ATP8A2: variants seen among roughly 807,000 people sequenced by gnomAD.
ATP8A2 encodes the protein ATPase phospholipid transporting 8A2, also known as phospholipid-transporting ATPase IB.
Under a neutral mutation model 165.6 loss-of-function variants are expected in ATP8A2, and 100 were observed. That is an observed-to-expected ratio of 0.60 (90% confidence interval 0.51 to 0.71). ATP8A2 has a LOEUF of 0.71. Ranked by LOEUF, ATP8A2 falls within the 30% of genes least tolerant of loss-of-function variation. The pLI, the probability that ATP8A2 is intolerant of heterozygous loss-of-function variation, is 0.00. For synonymous variants in ATP8A2, 543 were observed against 548.8 expected (o/e 0.99, Z 0.15); for missense variants, 1,227 against 1,479.5 (o/e 0.83, Z 2.80).
Position 25,570,785 on chromosome 13 carries a change from C to A in ATP8A2, c.1492C>A (p.Gln498Lys). 1 of 1,613,726 alleles carries A rather than the reference C, an allele frequency of 6.2e-7. No individual in the cohort carries two copies. The highest frequency in any genetic ancestry group is 1.1e-5 in the South Asian group (1 of 91,012). Residue 498 changes from glutamine (Q) to lysine (K), a missense_variant, in exon 17 of 37, where the codon CAG (glutamine) becomes AAG (lysine). Gln to Lys is a moderately conservative substitution (Grantham distance 53). Coordinates refer to ENST00000381655, the MANE Select transcript of ATP8A2 (RefSeq NM_016529.6). Reference sequence around the variant, plus strand: ...TTTGCAGCCCACAGCCCCTTGCATTCAGGAGTTCCTCACCCTTCTGGCCGT... The same window carrying A: ...TTTGCAGCCCACAGCCCCTTGCATTAAGGAGTTCCTCACCCTTCTGGCCGT... ...EDRHPTAPCI[Q>K]EFLTLLAVCH... is the part of the protein sequence containing the mutation.
At chr13:25,726,722 A>T (rs146737108) in intron 25 of ATP8A2, among the ~76,000 whole-genome samples, 1 of 152,258 alleles carries the variant, frequency 6.6e-6, no homozygotes, top group African/African-American at 2.4e-5. Flanking sequence ...CACCTAAAGT[A>T]ACATTTATAG....
rs78024439 is a variant in ATP8A2 at position 25,534,290 on chromosome 13, C to G, written c.507+977C>G. ...ATGCTGCAAACATTCATCAACCTCA[C>G]GTTTGGAAAGGTCATGGTTCTTGGT... On this transcript the variant is annotated intron_variant, in intron 6 of 36. Transcript: ENST00000381655. The G allele has an allele frequency of 1.2e-3, 610 of 500,210 alleles. 5 individuals are homozygous for G. The East Asian group carries it at 0.028, about 23-fold the overall frequency. The allele number at this position is 500,210 out of a possible 1,614,324, so 31.0% of individuals were successfully genotyped here.
chr13:25,599,473 C>T (rs1393323992), intron 24 of ATP8A2, among the ~76,000 whole-genome samples: 1 of 152,206 alleles, frequency 6.6e-6, no homozygotes, highest in Non-Finnish European at 1.5e-5. Context: ...TACACTTTCC[C>T]AGTTTTCTGG....
intron 25 of ATP8A2, among the ~76,000 whole-genome samples, chr13:25,759,295 A>G (rs1294432816): frequency 6.6e-6 from 1 of 152,190 alleles, no homozygotes; most frequent in African/African-American, 2.4e-5. Context: ...GGCAGACCTA[A>G]TTAAAACCAT....
At chr13:25,896,416 G>C (rs1256498195) in intron 33 of ATP8A2, among the ~76,000 whole-genome samples, 1 of 152,176 alleles carries the variant, frequency 6.6e-6, no homozygotes, top group Non-Finnish European at 1.5e-5. Flanking sequence ...TATAATTTCT[G>C]TTCTTTTACA....
intron 24 of ATP8A2, among the ~76,000 whole-genome samples, chr13:25,623,496 G>A (rs1308390848): frequency 6.6e-6 from 1 of 151,388 alleles, no homozygotes; most frequent in Non-Finnish European, 1.5e-5. Flanking sequence ...ACCTTTTTTT[G>A]TGTGTTTTTT....
chr13:25,424,683 C>T (rs1054210915), intron 1 of ATP8A2, among the ~76,000 whole-genome samples: 12 of 152,272 alleles, frequency 7.9e-5, no homozygotes, highest in African/African-American at 2.4e-4. Flanking sequence ...CTTGGCCAGG[C>T]GCGGTGGCTC....
intron 24 of ATP8A2, among the ~76,000 whole-genome samples, chr13:25,679,835 T>C (rs1044303146): frequency 6.6e-6 from 1 of 152,096 alleles, no homozygotes; most frequent in Non-Finnish European, 1.5e-5. Flanking sequence ...TGATGCTCTA[T>C]AGATTGAGTT....
intron 1 of ATP8A2, among the ~76,000 whole-genome samples, chr13:25,455,510 G>A (rs1001014135): frequency 1.3e-5 from 2 of 152,172 alleles, no homozygotes; most frequent in African/African-American, 4.8e-5. Flanking sequence ...ATATCATACT[G>A]TACAGGTAGT....
At chr13:25,877,330 G>A (rs1015166042) in intron 33 of ATP8A2, among the ~76,000 whole-genome samples, 1 of 152,190 alleles carries the variant, frequency 6.6e-6, no homozygotes, top group South Asian at 2.1e-4. Context: ...GGTCCAGATG[G>A]TCTACAGAGC....
chr13:25,833,955 A>G (rs1263437052), intron 28 of ATP8A2, among the ~76,000 whole-genome samples: 1 of 152,264 alleles, frequency 6.6e-6, no homozygotes, highest in Non-Finnish European at 1.5e-5. Flanking sequence ...TAAAAAGAGG[A>G]TAAGCCATGG....
chr13:25,922,249 C>G (rs1272565049), intron 33 of ATP8A2, among the ~76,000 whole-genome samples: 3 of 152,156 alleles, frequency 2.0e-5, no homozygotes, highest in Non-Finnish European at 4.4e-5. Context: ...AGTTTTTCTT[C>G]TAAAGTAACA....
chr13:25,839,682 G>A (rs565121001), intron 30 of ATP8A2, 58 bp downstream of exon 30: 8 of 1,420,370 alleles, frequency 5.6e-6, no homozygotes, highest in Admixed American at 1.7e-5. Flanking sequence ...TCTGCTGCCT[G>A]TGTGTTCACA....
intron 27 of ATP8A2, among the ~76,000 whole-genome samples, chr13:25,817,623 A>G: frequency 6.6e-6 from 1 of 152,160 alleles, no homozygotes; most frequent in East Asian, 1.9e-4. Flanking sequence ...ATTTCCATGT[A>G]ATAATTTCTA....
intron 33 of ATP8A2, among the ~76,000 whole-genome samples, chr13:25,918,043 ATAAT>A (rs1265412234): frequency 6.6e-6 from 1 of 152,230 alleles, no homozygotes; most frequent in African/African-American, 2.4e-5. Flanking sequence ...TTTGAAGAGA[ATAAT>A]TATCTGTAGA....
At chr13:25,677,999 A>G (rs2042405964) in intron 24 of ATP8A2, among the ~76,000 whole-genome samples, 1 of 152,176 alleles carries the variant, frequency 6.6e-6, no homozygotes, top group Admixed American at 6.5e-5. Flanking sequence ...AGAAAGTCAA[A>G]TTTTAATGAT....
chr13:25,780,705 C>G (rs2044854226), intron 27 of ATP8A2, among the ~76,000 whole-genome samples: 3 of 152,102 alleles, frequency 2.0e-5, no homozygotes, highest in Non-Finnish European at 4.4e-5. Context: ...AAGCACAGTA[C>G]ATTTATCATT....
At chr13:25,875,104 A>T (rs1039794128) in intron 33 of ATP8A2, among the ~76,000 whole-genome samples, 3 of 150,736 alleles carry the variant, frequency 2.0e-5, no homozygotes, top group Non-Finnish European at 4.5e-5. Flanking sequence ...GGGGAGGGGA[A>T]ATGAAGAGCT....
At chr13:25,906,485 C>G (rs747671747) in intron 33 of ATP8A2, among the ~76,000 whole-genome samples, 4 of 152,074 alleles carry the variant, frequency 2.6e-5, no homozygotes. Context: ...CCCAGCACCC[C>G]GAGGCCTGAG....
Sources: gnomAD v4.1 joint callset for allele counts (sites outside exome capture counted in the v4.1 genomes callset) on GRCh38, gnomAD v4.1.1 for gene constraint, MANE v1.5 for transcripts, NCBI Gene and HGNC (gene_info 2026-07-23, HGNC 2026-07-21) for gene names.